Variants in EBAG9 observed in about 807,000 individuals in gnomAD.
The protein encoded by EBAG9 is receptor-binding cancer antigen expressed on SiSo cells.
Under a neutral mutation model 30.9 loss-of-function variants are expected in EBAG9, and 16 were observed. The observed-to-expected ratio is 0.52, with a 90% CI of 0.35 to 0.79. EBAG9 has a LOEUF of 0.79. EBAG9 is among the 30% of genes least tolerant of loss of function. The pLI is 0.01. For missense variants in EBAG9, 197 were observed against 242.1 expected (o/e 0.81, Z 1.24); for synonymous variants, 93 against 82.8 (o/e 1.12, Z -0.67).
intron 1 of EBAG9, among the ~76,000 whole-genome samples, chr8:109,545,571 G>A (rs1265296953): frequency 6.6e-6 from 1 of 151,758 alleles, no homozygotes; most frequent in Non-Finnish European, 1.5e-5. Context: ...CACCATATTG[G>A]CCAGGCTGGT....
chr8:109,554,681 C>T (rs753794302), intron 3 of EBAG9, 48 bp from the exon 4 acceptor site: 3 of 1,568,242 alleles, frequency 1.9e-6, no homozygotes, highest in Non-Finnish European at 1.7e-6. Flanking sequence ...ATGATGTGTT[C>T]ATTAAGTTGC....
chr8:109,555,447 T>G (rs1056784151), intron 4 of EBAG9, among the ~76,000 whole-genome samples: 12 of 152,184 alleles, frequency 7.9e-5, no homozygotes, highest in African/African-American at 2.9e-4. Context: ...TATGTTCAAA[T>G]GACCTAGACA....
intron 1 of EBAG9, among the ~76,000 whole-genome samples, chr8:109,544,821 TG>T (rs1821350858): frequency 6.6e-6 from 1 of 152,204 alleles, no homozygotes; most frequent in African/African-American, 2.4e-5. Flanking sequence ...GTGTGTATTT[TG>T]AGGCTCTTAG....
chr8:109,560,935 T>A lies in EBAG9; in HGVS notation c.521+6T>A. ...CAAGCAGAAGAAGTTCTGAGGTATT[T>A]GAGTGGCATTTATATTGCAACCTGA... On this transcript the variant is annotated splice_donor_region_variant and intron_variant, in intron 6 of 6. Coordinates refer to ENST00000337573, the MANE Select transcript of EBAG9 (RefSeq NM_004215.5). The A allele has an allele frequency of 1.2e-6, 2 of 1,610,010 alleles. No homozygotes were observed. The highest frequency in any genetic ancestry group is 1.7e-6 in the Non-Finnish European group (2 of 1,177,236).
At chr8:109,555,253 G>A (rs538439435) in intron 4 of EBAG9, among the ~76,000 whole-genome samples, 11 of 152,046 alleles carry the variant, frequency 7.2e-5, no homozygotes, top group South Asian at 2.1e-4. Flanking sequence ...TTGTCCTTGC[G>A]ATAGTTTGCT....
rs1054245639 is a variant in EBAG9, at chr8:109,546,648, T to A, written c.-15-4162T>A. On this transcript the variant is annotated intron_variant, in intron 1 of 6. Transcript: ENST00000337573. ...GATTTTTTTGCAATTTTTTTAGGCT[T>A]ATCAGCTCTGGTTAGTGTTAGTGTA... Among the ~76,000 whole-genome samples, 4 of 152,360 alleles carry A rather than the reference T, an allele frequency of 2.6e-5. No individual in the cohort carries two copies. In the South Asian group the frequency reaches 8.3e-4, roughly 32 times the overall value.
At chr8:109,541,459 G>A (rs1821274970) in intron 1 of EBAG9, among the ~76,000 whole-genome samples, 1 of 152,148 alleles carries the variant, frequency 6.6e-6, no homozygotes, top group Admixed American at 6.5e-5. Flanking sequence ...TATTAAACGG[G>A]AGTAGTGAAA....
In EBAG9 at chr8:109,557,043, G is replaced by A. The variant is rs1330864516; in HGVS notation, c.429+1G>A. On this transcript the variant is annotated splice_donor_variant, in intron 5 of 6. Transcript: ENST00000337573. LOFTEE classifies it high-confidence loss of function. ...AGATCTGCCTTTTATTCATCAGTCT[G>A]TAAGTATGTTAATGGTTCTAGGGAA... 3 of 1,580,990 alleles carry A rather than the reference G, an allele frequency of 1.9e-6. No individual in the cohort carries two copies. Among genetic ancestry groups the A allele is most frequent in the Non-Finnish European group, 2.6e-6 (3 of 1,156,296 alleles).
chr8:109,557,263 A>G (rs1433558731), intron 5 of EBAG9, among the ~76,000 whole-genome samples: 3 of 152,232 alleles, frequency 2.0e-5, no homozygotes, highest in Non-Finnish European at 4.4e-5. Flanking sequence ...CATTGTACAC[A>G]TGAAAGATAG....
chr8:109,562,921 A>T (rs1263778176), intron 6 of EBAG9, among the ~76,000 whole-genome samples: 1 of 151,944 alleles, frequency 6.6e-6, no homozygotes, highest in African/African-American at 2.4e-5. Context: ...TGTATTTGGG[A>T]TGCTCAGCCC....
intron 3 of EBAG9, 31 bp downstream of exon 3, chr8:109,553,974 G>T (rs1047773753): frequency 5.2e-6 from 8 of 1,528,010 alleles, no homozygotes; most frequent in Non-Finnish European, 5.3e-6. Flanking sequence ...CTTTTGTTTT[G>T]TTTTGTTTTG....
intron 3 of EBAG9, 130 bp downstream of exon 3, chr8:109,554,073 T>G (rs1821548551): frequency 1.7e-6 from 1 of 604,968 alleles, no homozygotes; most frequent in Non-Finnish European, 2.7e-6. Flanking sequence ...TTGTTAAATT[T>G]ATCTGGTCTG....
rs550433240 is a variant in EBAG9, at chr8:109,556,804, T to C, written c.322-131T>C. ...CCCTGGGAAATTGGTATTTACAGAC[T>C]TTTTTTTTAGTTTTTACATTATAAA... On this transcript the variant is annotated intron_variant, in intron 4 of 6. Coordinates refer to ENST00000337573, the MANE Select transcript of EBAG9 (RefSeq NM_004215.5). 7 of 380,110 alleles carry C rather than the reference T, an allele frequency of 1.8e-5. No homozygotes were observed. The South Asian group carries it at 4.7e-4, about 26-fold the overall frequency. The allele number at this position is 380,110 out of a possible 1,614,324, so 23.5% of individuals were successfully genotyped here.
Position 109,553,682 on chromosome 8 carries a change from T to C in EBAG9, c.84-183T>C, listed in dbSNP as rs1232580244. Among the ~76,000 whole-genome samples the C allele has an allele frequency of 2.6e-5, 4 of 152,216 alleles. No individual in the cohort carries two copies. The East Asian group carries it at 7.7e-4, about 29-fold the overall frequency. On this transcript the variant is annotated intron_variant, in intron 2 of 6. Coordinates refer to ENST00000337573, the MANE Select transcript of EBAG9 (RefSeq NM_004215.5). ...GTTCTGTCCAAGATTTAAAAAACATTCACAGGATGTCTGATTTATGACTTT... is the reference window on the plus strand; with the variant it reads ...GTTCTGTCCAAGATTTAAAAAACATCCACAGGATGTCTGATTTATGACTTT...
chr8:109,558,086 T>G (rs1821636937), intron 5 of EBAG9, among the ~76,000 whole-genome samples: 1 of 152,232 alleles, frequency 6.6e-6, no homozygotes. Context: ...GGAAGGAATG[T>G]CAAAGAATTT....
chr8:109,554,915 TTAAAC>T (rs1465689640), intron 4 of EBAG9, 28 bp downstream of exon 4: 1 of 1,593,414 alleles, frequency 6.3e-7, no homozygotes, highest in Admixed American at 1.7e-5. Context: ...CTTTTGGAGA[TTAAAC>T]TACTTTTTAG....
At chr8:109,559,281 A>T (rs1214820349) in intron 5 of EBAG9, among the ~76,000 whole-genome samples, 1 of 152,004 alleles carries the variant, frequency 6.6e-6, no homozygotes, top group Non-Finnish European at 1.5e-5. Flanking sequence ...ACATGGCGAA[A>T]TCCCCCCTCT....
intron 4 of EBAG9, 62 bp from the exon 5 acceptor site, chr8:109,556,873 G>C: frequency 2.5e-6 from 2 of 797,050 alleles, no homozygotes; most frequent in Non-Finnish European, 3.7e-6. Flanking sequence ...TGTTTTGGTT[G>C]TCTATTTTTA....
intron 5 of EBAG9, among the ~76,000 whole-genome samples, chr8:109,557,402 A>C (rs1369667163): frequency 6.6e-6 from 1 of 152,242 alleles, no homozygotes; most frequent in Non-Finnish European, 1.5e-5. Context: ...TTTCATTCAA[A>C]GTATGACTTA....
Sources: gnomAD v4.1 joint callset for allele counts (sites outside exome capture counted in the v4.1 genomes callset) on GRCh38, gnomAD v4.1.1 for gene constraint, MANE v1.5 for transcripts, NCBI Gene and HGNC (gene_info 2026-07-23, HGNC 2026-07-21) for gene names.